Variants in SCX observed in about 807,000 individuals in gnomAD.
SCX encodes the protein basic helix-loop-helix transcription factor scleraxis.
In SCX, 7 loss-of-function variants were observed where a neutral mutation model predicts 12.2. That is an observed-to-expected ratio of 0.57 (90% CI 0.33 to 1.08). The LOEUF is 1.08. SCX is among the 50% of genes least tolerant of loss of function. SCX has a pLI of 0.04. For missense variants in SCX, 342 were observed against 337.2 expected (o/e 1.01, Z -0.11); for synonymous variants, 193 against 163.9 (o/e 1.18, Z -1.36).
chr8:144,268,260 C>T lies in SCX; in HGVS notation c.*118C>T. ...GGCAAGGCCCACCGCAAGCATGCCCCCAGGCCAGCCCTGGCTGCGAGCGGG... is the reference window on the plus strand; with the variant it reads ...GGCAAGGCCCACCGCAAGCATGCCCTCAGGCCAGCCCTGGCTGCGAGCGGG... On this transcript the variant is annotated 3_prime_UTR_variant, in exon 2 of 2. Transcript: ENST00000567180. 1 of 1,432,492 alleles carries T rather than the reference C, an allele frequency of 7.0e-7. No homozygotes were observed. The highest frequency in any genetic ancestry group is 9.5e-7 in the Non-Finnish European group (1 of 1,051,812). 88.7% of individuals were successfully genotyped at this position (1,432,492 alleles called of 1,614,324 possible).
chr8:144,268,471 T>C lies in SCX; in HGVS notation c.*329T>C, dbSNP rs1268893498. 4 of 479,704 alleles carry C rather than the reference T, an allele frequency of 8.3e-6. No homozygotes were observed. The highest frequency in any genetic ancestry group is 1.5e-5 in the Non-Finnish European group (4 of 269,954). 29.7% of individuals were successfully genotyped at this position (479,704 alleles called of 1,614,324 possible). A position where few individuals can be genotyped will look rare whatever the true frequency, so the allele number is the denominator to read the frequency against. On this transcript the variant is annotated 3_prime_UTR_variant, in exon 2 of 2. Coordinates refer to ENST00000567180, the MANE Select transcript of SCX (RefSeq NM_001080514.3). ...TTTTGTATAATTAAAAACAAAACAGTATCTTCCAAATATGGAGGCCAACTG... is the reference window on the plus strand; with the variant it reads ...TTTTGTATAATTAAAAACAAAACAGCATCTTCCAAATATGGAGGCCAACTG...
At position 144,266,631 on chromosome 8, in the gene SCX, G is replaced by A; in HGVS notation, c.18G>A (p.Leu6=). ...CCGGCCCCATGTCCTTCGCCACGCT[G>A]CGCCCGGCGCCGCCGGGCCGCTACC... The part of the protein sequence containing the change: MSFAT[L]RPAPPGRYLY... Residue 6 remains leucine, a synonymous_variant, in exon 1 of 2, where the codon CTG becomes CTA. Coordinates refer to ENST00000567180, the MANE Select transcript of SCX (RefSeq NM_001080514.3). 1 of 1,228,288 alleles carries A rather than the reference G, an allele frequency of 8.1e-7. No individual in the cohort carries two copies. Among genetic ancestry groups the A allele is most frequent in the Non-Finnish European group, 1.0e-6 (1 of 965,072 alleles). The allele number at this position is 1,228,288 out of a possible 1,614,324, so 76.1% of individuals were successfully genotyped here. A position where few individuals can be genotyped will look rare whatever the true frequency, so the allele number is the denominator to read the frequency against.
In SCX at chr8:144,266,791, CGGGCCGGGGGCGGGGGGCCAGG is replaced by C; in HGVS notation, c.186_207del (p.Gly63GlnfsTer22). 9.0e-7 allele frequency: 1 copy of C among 1,106,030 alleles called. No homozygotes were observed. The highest frequency in any genetic ancestry group is 1.1e-6 in the Non-Finnish European group (1 of 908,212). The allele number at this position is 1,106,030 out of a possible 1,614,324, so 68.5% of individuals were successfully genotyped here. ...CGCCCGGCGGAGGGCGGGGGGCCGG[CGGGCCGGGGGCGGGGGGCCAGG>C]GGGCCGGCCAGGCCGTGAGCCCCGG... On this transcript the variant is annotated frameshift_variant, in exon 1 of 2. Coordinates refer to ENST00000567180, the MANE Select transcript of SCX (RefSeq NM_001080514.3). LOFTEE classifies it high-confidence loss of function.
At chr8:144,267,293 C>T (rs1845396669) in intron 1 of SCX, 113 bp downstream of exon 1, 3 of 1,266,252 alleles carry the variant, frequency 2.4e-6, no homozygotes, top group Non-Finnish European at 3.0e-6. Context: ...AGGGCACAGG[C>T]AGGCACACCT....
chr8:144,266,489 C>G lies in SCX; in HGVS notation c.-125C>G, dbSNP rs1166043562. On this transcript the variant is annotated 5_prime_UTR_variant, in exon 1 of 2. Coordinates refer to ENST00000567180, the MANE Select transcript of SCX (RefSeq NM_001080514.3). ...CACATGTGCGCGCGACGCCCGGCAGCTGCCACCGCGGGGCGCAGCCGAGAC... is the reference window on the plus strand; with the variant it reads ...CACATGTGCGCGCGACGCCCGGCAGGTGCCACCGCGGGGCGCAGCCGAGAC... 1.0e-6 allele frequency: 1 copy of G among 986,306 alleles called. No individual in the cohort carries two copies. The highest frequency in any genetic ancestry group is 1.2e-6 in the Non-Finnish European group (1 of 831,264). 61.1% of individuals were successfully genotyped at this position (986,306 alleles called of 1,614,324 possible). A position where few individuals can be genotyped will look rare whatever the true frequency, so the allele number is the denominator to read the frequency against.
rs1380189124 is a variant in SCX, at chr8:144,266,971, G to A, written c.358G>A (p.Ala120Thr). Residue 120 changes from alanine (A) to threonine (T), a missense_variant, in exon 1 of 2, where the codon GCC (alanine) becomes ACC (threonine). By Grantham distance (58) the Ala-to-Thr change is moderately conservative. Around this residue, in one of 3 missense-constraint regions of SCX, gnomAD observed 161 missense variants for 155.7 expected, o/e 1.03. Coordinates refer to ENST00000567180, the MANE Select transcript of SCX (RefSeq NM_001080514.3). ...CTCCAAGATTGAGACGCTGCGCCTG[G>A]CCTCCAGCTACATCTCGCACCTGGG... Reference protein sequence around the residue: ...KLSKIETLRLASSYISHLGNV... With the variant: ...KLSKIETLRLTSSYISHLGNV... 6.4e-7 allele frequency: 1 copy of A among 1,555,082 alleles called. No homozygotes were observed. The highest frequency in any genetic ancestry group is 8.6e-7 in the Non-Finnish European group (1 of 1,156,792).
At chr8:144,267,327 GGGGCCTTCTCCT>G (rs1195945414) in intron 1 of SCX, 147 bp downstream of exon 1, 3 of 1,017,882 alleles carry the variant, frequency 2.9e-6, no homozygotes, top group Non-Finnish European at 3.8e-6. Flanking sequence ...GCCGGGGGCT[GGGGCCTTCTCCT>G]GGGGCTCCTC....
In SCX at chr8:144,266,806, G is replaced by A. The variant is rs1845380601; in HGVS notation, c.193G>A (p.Gly65Arg). ...RAGGRRAGGG[G>R]PGGRPGREPR... is the part of the protein sequence containing the mutation. ...GGGGGGCCGGCGGGCCGGGGGCGGG[G>A]GGCCAGGGGGCCGGCCAGGCCGTGA... is the stretch of plus-strand genomic sequence containing the variant. The change falls in exon 1 of 2, where the codon GGG becomes AGG. Residue 65 changes from glycine to arginine, a missense_variant. Physicochemically the swap from Gly to Arg is moderately radical, Grantham distance 125. This residue lies in a region of SCX where 139 missense variants were observed against 107.8 expected (regional missense o/e 1.29). Coordinates refer to ENST00000567180, the MANE Select transcript of SCX (RefSeq NM_001080514.3). 4.4e-6 allele frequency: 5 copies of A among 1,146,186 alleles called. No homozygotes were observed. The highest frequency in any genetic ancestry group is 5.4e-6 in the Non-Finnish European group (5 of 933,958). The allele number at this position is 1,146,186 out of a possible 1,614,324, so 71.0% of individuals were successfully genotyped here. A position where few individuals can be genotyped will look rare whatever the true frequency, so the allele number is the denominator to read the frequency against.
chr8:144,268,222 T>C lies in SCX; in HGVS notation c.*80T>C. ...GGGTGACTGCAGACAGCCCCCACCT[T>C]GGACCTGAGCTGGGCAAGGCCCACC... On this transcript the variant is annotated 3_prime_UTR_variant, in exon 2 of 2. Coordinates refer to ENST00000567180, the MANE Select transcript of SCX (RefSeq NM_001080514.3). 1 of 1,541,098 alleles carries C rather than the reference T, an allele frequency of 6.5e-7. No homozygotes were observed. The highest frequency in any genetic ancestry group is 1.2e-5 in the South Asian group (1 of 83,602).
chr8:144,266,757 C>T lies in SCX; in HGVS notation c.144C>T (p.Gly48=). ...KPCRVHAARC[G]LQGARRRAGG... ...GTCGCGTGCACGCGGCGCGCTGCGGCCTCCAGGGCGCCCGGCGGAGGGCGG... is the reference window on the plus strand; with the variant it reads ...GTCGCGTGCACGCGGCGCGCTGCGGTCTCCAGGGCGCCCGGCGGAGGGCGG... The change falls in exon 1 of 2, where the codon GGC becomes GGT. Residue 48 remains glycine (G), a synonymous_variant. Transcript: ENST00000567180. 2 of 1,075,108 alleles carry T rather than the reference C, an allele frequency of 1.9e-6. No individual in the cohort carries two copies. Among genetic ancestry groups the T allele is most frequent in the Non-Finnish European group, 2.3e-6 (2 of 886,110 alleles). 66.6% of individuals were successfully genotyped at this position (1,075,108 alleles called of 1,614,324 possible). A position where few individuals can be genotyped will look rare whatever the true frequency, so the allele number is the denominator to read the frequency against.
Position 144,266,925 on chromosome 8 carries a change from C to G in SCX, c.312C>G (p.Thr104=). 6.4e-7 allele frequency: 1 copy of G among 1,555,822 alleles called. No homozygotes were observed. The highest frequency in any genetic ancestry group is 8.6e-7 in the Non-Finnish European group (1 of 1,157,104). The change falls in exon 1 of 2, where the codon ACC becomes ACG. Residue 104 remains threonine, a synonymous_variant. Transcript: ENST00000567180. ...CGGCGCTGCGCACGCTGATCCCCAC[C>G]GAGCCCGCCGACCGCAAGCTCTCCA... ...AFTALRTLIP[T]EPADRKLSKI...
Position 144,266,797 on chromosome 8 carries a change from G to T in SCX, c.184G>T (p.Gly62Trp), listed in dbSNP as rs1481483914. The T allele has an allele frequency of 1.8e-6, 2 of 1,127,088 alleles. No individual in the cohort carries two copies. 69.8% of individuals were successfully genotyped at this position (1,127,088 alleles called of 1,614,324 possible). ...ARRRAGGRRA[G>W]GGGPGGRPGR... ...GCGGAGGGCGGGGGGCCGGCGGGCC[G>T]GGGGCGGGGGGCCAGGGGGCCGGCC... is the stretch of plus-strand genomic sequence containing the variant. Residue 62 changes from glycine (G) to tryptophan (W), a missense_variant, in exon 1 of 2, where the codon GGG becomes TGG. Transcript: ENST00000567180.
At position 144,267,059 on chromosome 8, in the gene SCX, T is replaced by C. The variant is rs1845388004; in HGVS notation, c.446T>C (p.Phe149Ser). Residue 149 changes from phenylalanine (F) to serine (S), a missense_variant, in exon 1 of 2, where the codon TTC becomes TCC. Around this residue, in one of 3 missense-constraint regions of SCX, gnomAD observed 161 missense variants for 155.7 expected, o/e 1.03. Transcript: ENST00000567180. ...CAGCCCTGCCACTCCGGGCCCGCCT[T>C]CTTCCACGCGGCGCGCGCCGGCAGC... ...DGQPCHSGPA[F>S]FHAARAGSPP... 1 of 1,473,502 alleles carries C rather than the reference T, an allele frequency of 6.8e-7. No individual in the cohort carries two copies. The highest frequency in any genetic ancestry group is 8.9e-7 in the Non-Finnish European group (1 of 1,117,404). 91.3% of individuals were successfully genotyped at this position (1,473,502 alleles called of 1,614,324 possible). A position where few individuals can be genotyped will look rare whatever the true frequency, so the allele number is the denominator to read the frequency against.
At chr8:144,267,654 A>G (rs1488990908) in intron 1 of SCX, among the ~76,000 whole-genome samples, 12 of 152,142 alleles carry the variant, frequency 7.9e-5, no homozygotes, top group Non-Finnish European at 1.6e-4. Context: ...CCTAGGCCGC[A>G]CACCAAGACA....
At chr8:144,267,674 G>A (rs1845408752) in intron 1 of SCX, among the ~76,000 whole-genome samples, 1 of 152,138 alleles carries the variant, frequency 6.6e-6, no homozygotes, top group Admixed American at 6.5e-5. Flanking sequence ...ACCAGGTCCT[G>A]TAGGGCTGCC....
rs1442082149 is a variant in SCX, at chr8:144,266,786, G to A, written c.173G>A (p.Gly58Asp). 4.6e-4 allele frequency: 508 copies of A among 1,105,012 alleles called. No individual in the cohort carries two copies. Among genetic ancestry groups the A allele is most frequent in the Middle Eastern group, 1.6e-3 (4 of 2,528 alleles). The allele number at this position is 1,105,012 out of a possible 1,614,324, so 68.5% of individuals were successfully genotyped here. The change falls in exon 1 of 2, where the codon GGC becomes GAC. Residue 58 changes from glycine to aspartate, a missense_variant. Around this residue, in one of 3 missense-constraint regions of SCX, gnomAD observed 139 missense variants for 107.8 expected, o/e 1.29. Transcript: ENST00000567180. ...CAGGGCGCCCGGCGGAGGGCGGGGG[G>A]CCGGCGGGCCGGGGGCGGGGGGCCA... ...GLQGARRRAGGRRAGGGGPGG... is the reference protein window; with the variant it reads ...GLQGARRRAGDRRAGGGGPGG...
At position 144,267,047 on chromosome 8, in the gene SCX, C is replaced by G; in HGVS notation, c.434C>G (p.Ser145Cys). Residue 145 changes from serine (S) to cysteine (C), a missense_variant, in exon 1 of 2, where the codon TCC (serine) becomes TGC (cysteine). Coordinates refer to ENST00000567180, the MANE Select transcript of SCX (RefSeq NM_001080514.3). ...TGCGGCGACGGACAGCCCTGCCACTCCGGGCCCGCCTTCTTCCACGCGGCG... is the reference window on the plus strand; with the variant it reads ...TGCGGCGACGGACAGCCCTGCCACTGCGGGCCCGCCTTCTTCCACGCGGCG... ...EACGDGQPCHSGPAFFHAARA... is the reference protein window; with the variant it reads ...EACGDGQPCHCGPAFFHAARA... The G allele has an allele frequency of 6.7e-7, 1 of 1,500,640 alleles. No individual in the cohort carries two copies. Among genetic ancestry groups the G allele is most frequent in the Non-Finnish European group, 8.8e-7 (1 of 1,130,956 alleles). 93.0% of individuals were successfully genotyped at this position (1,500,640 alleles called of 1,614,324 possible). A position where few individuals can be genotyped will look rare whatever the true frequency, so the allele number is the denominator to read the frequency against.
In SCX at chr8:144,266,716, T is replaced by C; in HGVS notation, c.103T>C (p.Ser35Pro). 1 of 1,190,548 alleles carries C rather than the reference T, an allele frequency of 8.4e-7. No individual in the cohort carries two copies. Among genetic ancestry groups the C allele is most frequent in the Non-Finnish European group, 1.1e-6 (1 of 943,870 alleles). 73.7% of individuals were successfully genotyped at this position (1,190,548 alleles called of 1,614,324 possible). A position where few individuals can be genotyped will look rare whatever the true frequency, so the allele number is the denominator to read the frequency against. The change falls in exon 1 of 2, where the codon TCC (serine) becomes CCC (proline). Residue 35 changes from serine to proline, a missense_variant. Around this residue, in one of 3 missense-constraint regions of SCX, gnomAD observed 139 missense variants for 107.8 expected, o/e 1.29. Transcript: ENST00000567180. ...GGACCGCGGCAGCGACAGCTCGGGC[T>C]CCGACGAGAAACCCTGTCGCGTGCA... ...DEDRGSDSSGSDEKPCRVHAA... is the reference protein window; with the variant it reads ...DEDRGSDSSGPDEKPCRVHAA...
rs1342220965 is a variant in SCX, at chr8:144,268,135, G to A, written c.599G>A (p.Arg200His). ...SKDRDRKTAIRS is the reference protein window; with the variant it reads ...SKDRDRKTAIHS ...GACCGCGACAGAAAGACAGCGATTC[G>A]CAGTTAGGAGGTGGCCGGCAGCAGC... Residue 200 changes from arginine (R) to histidine (H), a missense_variant, in exon 2 of 2, where the codon CGC becomes CAC. Around this residue, in one of 3 missense-constraint regions of SCX, gnomAD observed 161 missense variants for 155.7 expected, o/e 1.03. Coordinates refer to ENST00000567180, the MANE Select transcript of SCX (RefSeq NM_001080514.3). 2.1e-5 allele frequency: 32 copies of A among 1,551,590 alleles called. No individual in the cohort carries two copies. Among genetic ancestry groups the A allele is most frequent in the Middle Eastern group, 1.8e-4 (1 of 5,608 alleles).
Sources: gnomAD v4.1 joint callset for allele counts (sites outside exome capture counted in the v4.1 genomes callset) on GRCh38, gnomAD v4.1.1 for gene constraint, gnomAD v4.1.1 regional missense constraint, MANE v1.5 for transcripts, NCBI Gene and HGNC (gene_info 2026-07-23, HGNC 2026-07-21) for gene names.